Variants in FAM135B observed in about 807,000 individuals in gnomAD.
The protein encoded by FAM135B is protein FAM135B.
FAM135B carries 43 observed loss-of-function variants against 127.7 expected under a neutral mutation model. The observed-to-expected ratio is 0.34, with a 90% CI of 0.26 to 0.43. The LOEUF (loss-of-function observed/expected upper bound fraction) is 0.43. Among genes scored for constraint, FAM135B ranks in the 20% least tolerant of loss-of-function variants. The probability of loss-of-function intolerance (pLI) is 1.00; values close to 1 mark genes in which losing one functional copy is unlikely to be tolerated. For missense variants in FAM135B, 1,558 were observed against 1,725.6 expected (o/e 0.90, Z 1.72); for synonymous variants, 670 against 665.1 (o/e 1.01, Z -0.11).
rs1490472887 is a variant in FAM135B at position 138,241,884 on chromosome 8, C to A, written c.669+1058G>T. The stretch of plus-strand genomic sequence containing the variant: ...GATAGCCCTCTCCAACATGAATAGG[C>A]CTTATCCAATCCATTGAGGGCCTGA... On this transcript the variant is annotated intron_variant, in intron 7 of 19. Coordinates refer to ENST00000395297, the MANE Select transcript of FAM135B (RefSeq NM_015912.4). This position sits in a 1 kb window ranked among gnomAD's most constrained non-coding sequence, Gnocchi z 4.8. Among the ~76,000 whole-genome samples the A allele has an allele frequency of 2.0e-5, 3 of 152,124 alleles. No individual in the cohort carries two copies. Among genetic ancestry groups the A allele is most frequent in the Admixed American group, 6.6e-5 (1 of 15,262 alleles).
intron 3 of FAM135B, among the ~76,000 whole-genome samples, chr8:138,279,075 T>G (rs968648759): frequency 1.3e-5 from 2 of 152,172 alleles, no homozygotes; most frequent in African/African-American, 4.8e-5. Flanking sequence ...AAATGACCAA[T>G]CCGTAAATCT....
At chr8:138,181,800 C>T (rs1032354877) in intron 9 of FAM135B, among the ~76,000 whole-genome samples, 12 of 152,168 alleles carry the variant, frequency 7.9e-5, no homozygotes, top group East Asian at 7.7e-4. Flanking sequence ...TCCAATGCTC[C>T]GCGTGTAAGT....
intron 2 of FAM135B, among the ~76,000 whole-genome samples, chr8:138,365,557 C>T (rs962658329): frequency 1.4e-4 from 21 of 152,202 alleles, no homozygotes; most frequent in African/African-American, 3.6e-4. Context: ...GATAGATTAG[C>T]TTATCATCTT....
chr8:138,358,533 A>T (rs1453697972), intron 2 of FAM135B: 2 of 152,180 alleles, frequency 1.3e-5, no homozygotes, highest in African/African-American at 4.8e-5. Context: ...TGCTTTACAA[A>T]TATCACCTCA....
At chr8:138,145,814 C>T (rs1817603847) in intron 15 of FAM135B, 145 bp downstream of exon 15, 1 of 549,164 alleles carries the variant, frequency 1.8e-6, no homozygotes, top group Non-Finnish European at 3.2e-6. Context: ...TCTCTTCTTT[C>T]CAACCCATCC....
intron 1 of FAM135B, among the ~76,000 whole-genome samples, chr8:138,420,769 A>C (rs1370827012): frequency 6.6e-6 from 1 of 152,198 alleles, no homozygotes; most frequent in East Asian, 1.9e-4. Context: ...AGGCACAGAA[A>C]AGGCTTTCAA....
At chr8:138,314,002 T>C (rs1253642708) in intron 2 of FAM135B, among the ~76,000 whole-genome samples, 2 of 152,078 alleles carry the variant, frequency 1.3e-5, no homozygotes, top group Admixed American at 1.3e-4. Flanking sequence ...TACTCTTTGC[T>C]TTTTGTTGGT....
At chr8:138,314,721 A>AAATAAATAAATAAATAAATAAATT (rs1396736185) in intron 2 of FAM135B, among the ~76,000 whole-genome samples, 27 of 150,638 alleles carry the variant, frequency 1.8e-4, no homozygotes, top group Non-Finnish European at 3.8e-4. Context: ...ATAAATAAAT[A>AAATAAATAAATAAATAAATAAATT]AATTAGCTGG....
intron 2 of FAM135B, among the ~76,000 whole-genome samples, chr8:138,341,531 A>T (rs1483848541): frequency 3.0e-4 from 1 of 3,346 alleles, no homozygotes; most frequent in Non-Finnish European, 0.01. Flanking sequence ...ATGTGAATGT[A>T]CTTATGAAGA....
At chr8:138,318,087 C>T (rs1482334415) in intron 2 of FAM135B, among the ~76,000 whole-genome samples, 1 of 152,188 alleles carries the variant, frequency 6.6e-6, no homozygotes, top group African/African-American at 2.4e-5. Flanking sequence ...ATAGTAAAAA[C>T]AATTAGCAGC....
chr8:138,289,248 T>A (rs962104881), intron 3 of FAM135B, among the ~76,000 whole-genome samples: 1 of 152,218 alleles, frequency 6.6e-6, no homozygotes, highest in Non-Finnish European at 1.5e-5. Context: ...ACAATTGCCA[T>A]GTATGCCCAC....
rs1821551620 is a variant in FAM135B, at chr8:138,249,624, TG to T, written c.542+1216del. Among the ~76,000 whole-genome samples, 3 of 152,184 alleles carry T rather than the reference TG, an allele frequency of 2.0e-5. No individual in the cohort carries two copies. In the South Asian group the frequency reaches 6.2e-4, roughly 32 times the overall value. On this transcript the variant is annotated intron_variant, in intron 6 of 19. Transcript: ENST00000395297. ...TCACACCTTCAGGGGCAGCAGCTCC[TG>T]GTCACGTGGCATGGGTCAGATTGGG...
rs1303387009 is a variant in FAM135B, at chr8:138,367,936, T to G, written c.48A>C (p.Lys16Asn). 2.5e-6 allele frequency: 4 copies of G among 1,613,502 alleles called. No homozygotes were observed. The highest frequency in any genetic ancestry group is 2.7e-5 in the African/African-American group (2 of 74,858). Residue 16 changes from lysine to asparagine, a missense_variant, in exon 2 of 20, where the codon AAA becomes AAC. Physicochemically the swap from Lys to Asn is moderately conservative, Grantham distance 94. This residue lies in a region of FAM135B where 199 missense variants were observed against 245.7 expected (regional missense o/e 0.81). Transcript: ENST00000395297. The part of the protein sequence containing the change: ...GTVEFSVELH[K>N]FYNVDLFQRG... ...TCTGAAAGAGATCCACATTATAAAA[T>G]TTATGTAGCTCTACCGAAAACTCAA...
intron 1 of FAM135B, among the ~76,000 whole-genome samples, chr8:138,399,987 G>A (rs567061648): frequency 5.3e-5 from 8 of 152,264 alleles, no homozygotes; most frequent in African/African-American, 1.4e-4. Context: ...AATATATATC[G>A]TCATCCTTTG....
chr8:138,211,698 G>A (rs150619581), intron 7 of FAM135B, among the ~76,000 whole-genome samples: 1 of 152,266 alleles, frequency 6.6e-6, no homozygotes, highest in East Asian at 1.9e-4. Flanking sequence ...TGAATGCTGT[G>A]AACACCTTCT....
At chr8:138,359,616 G>A (rs1830290191) in intron 2 of FAM135B, among the ~76,000 whole-genome samples, 1 of 152,224 alleles carries the variant, frequency 6.6e-6, no homozygotes, top group Non-Finnish European at 1.5e-5. Flanking sequence ...AAAAGTGTGG[G>A]AATGAATGAA....
chr8:138,386,236 C>A (rs951361187), intron 1 of FAM135B, among the ~76,000 whole-genome samples: 6 of 147,026 alleles, frequency 4.1e-5, no homozygotes, highest in Non-Finnish European at 6.1e-5. Context: ...AAAAAAAAAA[C>A]AAAAACAAAA....
Position 138,425,892 on chromosome 8 carries a change from TA to T in FAM135B, c.-19-57891del, listed in dbSNP as rs559722165. 5.9e-4 allele frequency among the ~76,000 whole-genome samples: 88 copies of T among 149,902 alleles called. 1 individual carries two copies. Among genetic ancestry groups the T allele is most frequent in the Non-Finnish European group, 5.8e-4 (39 of 67,588 alleles). ...GGTCTGTCGTGGAGGCTCATGCCTG[TA>T]ATCTCAGCACTTTGGGAGGCCAAGG... is the stretch of plus-strand genomic sequence containing the variant. On this transcript the variant is annotated intron_variant, in intron 1 of 19. Transcript: ENST00000395297.
At chr8:138,160,898 C>T (rs887407378) in intron 12 of FAM135B, among the ~76,000 whole-genome samples, 2 of 152,104 alleles carry the variant, frequency 1.3e-5, no homozygotes, top group African/African-American at 4.8e-5. Flanking sequence ...ATCTTATGCA[C>T]AATACTTACA....
Sources: gnomAD v4.1 joint callset for allele counts (sites outside exome capture counted in the v4.1 genomes callset) on GRCh38, gnomAD v4.1.1 for gene constraint, gnomAD v4.1.1 regional missense constraint, Gnocchi (gnomAD v3.1) non-coding constraint, MANE v1.5 for transcripts, NCBI Gene and HGNC (gene_info 2026-07-23, HGNC 2026-07-21) for gene names.